ALMS1: variants seen among roughly 807,000 people sequenced by gnomAD.
ALMS1 encodes ALMS1 centrosome and basal body associated protein.
ALMS1 carries 271 observed loss-of-function variants against 352.2 expected under a neutral mutation model. The ratio of observed to expected loss-of-function variants is 0.77; its 90% CI spans 0.70 to 0.85. The LOEUF is 0.85. ALMS1 is among the 40% of genes least tolerant of loss of function. ALMS1 has a pLI of 0.00. For synonymous variants in ALMS1, 1,865 were observed against 1,761.2 expected, an observed-to-expected ratio of 1.06 and a Z score of -1.48; for missense variants, 5,445 against 4,870.7, an observed-to-expected ratio of 1.12 and a Z score of -3.51.
intron 2 of ALMS1, 34 bp downstream of exon 2, chr2:73,408,781 T>G (rs1253869510): frequency 6.2e-7 from 1 of 1,609,550 alleles, no homozygotes; most frequent in Admixed American, 1.7e-5. Context: ...CTTTTTTTTT[T>G]TGATAAGCAG....
At chr2:73,466,771 ATACT>A (rs1278236433) in intron 9 of ALMS1, among the ~76,000 whole-genome samples, 2 of 152,164 alleles carry the variant, frequency 1.3e-5, no homozygotes, top group South Asian at 4.1e-4. Flanking sequence ...ATAAAGCTAA[ATACT>A]TAAGTATATG....
At chr2:73,476,658 C>T (rs1672589925) in intron 9 of ALMS1, among the ~76,000 whole-genome samples, 1 of 151,514 alleles carries the variant, frequency 6.6e-6, no homozygotes, top group South Asian at 2.1e-4. Context: ...ATTTTCATTT[C>T]CCTTATGATT....
rs1390580977 is a variant in ALMS1, at chr2:73,520,908, G to A, written c.9781+892G>A. Among the ~76,000 whole-genome samples the A allele has an allele frequency of 2.6e-5, 4 of 152,222 alleles. No individual in the cohort carries two copies. In the East Asian group the frequency reaches 5.8e-4, roughly 22 times the overall value. ...CCATTCTTCCCCAAATGAAGATGGA[G>A]ACTTTACTAATTTTTAAAATATTTA... On this transcript the variant is annotated intron_variant, in intron 11 of 22. Coordinates refer to ENST00000613296, the MANE Select transcript of ALMS1 (RefSeq NM_001378454.1).
In ALMS1 at chr2:73,414,485, T is replaced by G. The variant is rs569846667; in HGVS notation, c.451-4638T>G. ...TTTCTTTTTTTCCGTTTTTTTTTTT[T>G]TTTGTTTTTTTTTTGCTTTATTACA... On this transcript the variant is annotated intron_variant, in intron 2 of 22. Transcript: ENST00000613296. Among the ~76,000 whole-genome samples the G allele has an allele frequency of 3.9e-3, 232 of 59,848 alleles. 2 individuals are homozygous for G. The highest frequency in any genetic ancestry group is 6.1e-3 in the East Asian group (7 of 1,146). 39.3% of individuals were successfully genotyped at this position (59,848 alleles called of 152,430 possible). A position where few individuals can be genotyped will look rare whatever the true frequency, so the allele number is the denominator to read the frequency against.
intron 1 of ALMS1, among the ~76,000 whole-genome samples, chr2:73,399,472 T>A (rs1049179646): frequency 6.6e-6 from 1 of 151,940 alleles, no homozygotes; most frequent in South Asian, 2.1e-4. Context: ...GCGTCTCACA[T>A]GGCGAGAGCA....
chr2:73,516,786 C>T (rs1279468698), intron 10 of ALMS1, among the ~76,000 whole-genome samples: 1 of 152,178 alleles, frequency 6.6e-6, no homozygotes, highest in Non-Finnish European at 1.5e-5. Context: ...CTGACTCAGC[C>T]CCTTTATTGG....
chr2:73,572,453 A>G lies in ALMS1; in HGVS notation c.10576A>G (p.Met3526Val). 1.2e-6 allele frequency: 2 copies of G among 1,614,042 alleles called. No individual in the cohort carries two copies. The highest frequency in any genetic ancestry group is 1.7e-6 in the Non-Finnish European group (2 of 1,179,984). Residue 3526 changes from methionine (M) to valine (V), a missense_variant, in exon 16 of 23, where the codon ATG becomes GTG. Physicochemically the swap from Met to Val is conservative, Grantham distance 21. Coordinates refer to ENST00000613296, the MANE Select transcript of ALMS1 (RefSeq NM_001378454.1). ...TCATCCAGACAAACATAGAGAACAC[A>G]TGTGTCTTCCTCTTCCTTATCAAAA... ...QHHPDKHREHMCLPLPYQNMD... is the reference protein window; with the variant it reads ...QHHPDKHREHVCLPLPYQNMD...
intron 16 of ALMS1, among the ~76,000 whole-genome samples, chr2:73,579,226 A>AT (rs200621374): frequency 0.021 from 3,116 of 150,674 alleles, 50 homozygotes; most frequent in Non-Finnish European, 0.03. Flanking sequence ...TGCCTGGGTA[A>AT]TTTTTGTGTT....
intron 20 of ALMS1, among the ~76,000 whole-genome samples, 170 bp from the exon 21 acceptor site, chr2:73,603,071 G>C (rs1340598692): frequency 2.6e-5 from 4 of 152,196 alleles, no homozygotes; most frequent in Non-Finnish European, 5.9e-5. Context: ...TTAGGCTGCT[G>C]TCCCTGTTAC....
chr2:73,436,174 CTT>C (rs1671600928), intron 7 of ALMS1, among the ~76,000 whole-genome samples: 1 of 152,184 alleles, frequency 6.6e-6, no homozygotes, highest in South Asian at 2.1e-4. Flanking sequence ...GGTTGACAGT[CTT>C]TTTCTTTTCA....
At chr2:73,531,123 T>C (rs1427877524) in intron 11 of ALMS1, among the ~76,000 whole-genome samples, 1 of 152,274 alleles carries the variant, frequency 6.6e-6, no homozygotes, top group African/African-American at 2.4e-5. Context: ...CCAGCTTGAA[T>C]TCCTTGAATG....
chr2:73,508,432 C>T (rs1290614330), intron 10 of ALMS1, among the ~76,000 whole-genome samples: 1 of 151,974 alleles, frequency 6.6e-6, no homozygotes, highest in Non-Finnish European at 1.5e-5. Flanking sequence ...GTCTCGATCT[C>T]CTGACCTTGT....
chr2:73,466,333 A>G (rs1672343053), intron 9 of ALMS1, among the ~76,000 whole-genome samples: 2 of 151,988 alleles, frequency 1.3e-5, no homozygotes, highest in African/African-American at 4.8e-5. Flanking sequence ...TGTCCTTTGT[A>G]GGGACATGGA....
chr2:73,505,313 G>C (rs1673298404), intron 10 of ALMS1, among the ~76,000 whole-genome samples: 2 of 152,158 alleles, frequency 1.3e-5, no homozygotes, highest in African/African-American at 2.4e-5. Flanking sequence ...TTCCACAATG[G>C]TTGAACTAAT....
At chr2:73,526,604 A>G (rs1224606411) in intron 11 of ALMS1, among the ~76,000 whole-genome samples, 1 of 152,198 alleles carries the variant, frequency 6.6e-6, no homozygotes. Context: ...GTTGACATAT[A>G]GAAATGTGAA....
intron 12 of ALMS1, among the ~76,000 whole-genome samples, chr2:73,541,646 G>A (rs1674184490): frequency 6.6e-6 from 1 of 152,018 alleles, no homozygotes; most frequent in South Asian, 2.1e-4. Context: ...AGAAAAGAGA[G>A]AAGAATCAAA....
At chr2:73,480,919 G>A (rs1672688031) in intron 9 of ALMS1, among the ~76,000 whole-genome samples, 3 of 144,790 alleles carry the variant, frequency 2.1e-5, no homozygotes, top group Non-Finnish European at 4.5e-5. Context: ...TTTTTGATGG[G>A]GTTGTTTGTT....
intron 9 of ALMS1, among the ~76,000 whole-genome samples, chr2:73,474,405 G>GTC (rs1553407460): frequency 0.44 from 61,922 of 140,026 alleles, 14,609 homozygotes; most frequent in East Asian, 0.61. Context: ...GTGTGTGTGT[G>GTC]TGTGTCTATT....
intron 10 of ALMS1, among the ~76,000 whole-genome samples, chr2:73,503,319 A>G (rs140205159): frequency 0.022 from 3,394 of 151,982 alleles, 127 homozygotes; most frequent in Admixed American, 0.089. Context: ...TCATTGTTCA[A>G]TTCCCACCTA....
Sources: allele counts gnomAD v4.1 joint callset (sites outside exome capture counted in the v4.1 genomes callset), GRCh38; gene constraint gnomAD v4.1.1; transcripts MANE v1.5; gene names NCBI Gene and HGNC (gene_info 2026-07-23, HGNC 2026-07-21).